TBXAS1: variants seen among roughly 807,000 people sequenced by gnomAD.
TBXAS1 encodes the protein thromboxane A synthase 1.
A neutral mutation model predicts 60.7 loss-of-function variants in TBXAS1; 48 were observed. The observed-to-expected ratio is 0.79, with a 90% confidence interval of 0.63 to 1.01. The LOEUF (loss-of-function observed/expected upper bound fraction) is 1.01, where lower values mean the gene tolerates loss of function less well. TBXAS1 is among the 50% of genes least tolerant of loss of function. TBXAS1 has a pLI of 0.00. For missense variants in TBXAS1, 685 were observed against 686.3 expected (o/e 1.00, Z 0.02); for synonymous variants, 287 against 269.7 (o/e 1.06, Z -0.63).
intron 4 of TBXAS1, among the ~76,000 whole-genome samples, chr7:139,800,522 T>C (rs1382354546): frequency 6.6e-6 from 1 of 152,180 alleles, no homozygotes; most frequent in African/African-American, 2.4e-5. Context: ...ACTATTCTTA[T>C]TACCTGTTTA....
intron 1 of TBXAS1, among the ~76,000 whole-genome samples, chr7:139,857,061 G>C (rs867936274): frequency 6.6e-6 from 1 of 152,112 alleles, no homozygotes; most frequent in South Asian, 2.1e-4. Context: ...TTTACTCTGG[G>C]GACCCCTTGG....
intron 9 of TBXAS1, among the ~76,000 whole-genome samples, chr7:139,991,297 A>C (rs1812880389): frequency 1.3e-5 from 2 of 151,464 alleles, no homozygotes. Context: ...TCCCTACCCC[A>C]TGCAGGTCCG....
intron 10 of TBXAS1, among the ~76,000 whole-genome samples, chr7:140,008,685 G>A (rs1383826310): frequency 2.0e-5 from 3 of 152,118 alleles, no homozygotes; most frequent in Non-Finnish European, 4.4e-5. Flanking sequence ...CTGACCTCAG[G>A]TGATCTGCCT....
intron 4 of TBXAS1, among the ~76,000 whole-genome samples, chr7:139,796,464 G>A (rs1797574751): frequency 6.6e-6 from 1 of 152,218 alleles, no homozygotes; most frequent in Non-Finnish European, 1.5e-5. Context: ...GAAGACAGTG[G>A]TTTCCCAGGA....
At chr7:139,875,394 T>A (rs1802151006) in intron 2 of TBXAS1, among the ~76,000 whole-genome samples, 191 bp from the exon 3 acceptor site, 1 of 152,260 alleles carries the variant, frequency 6.6e-6, no homozygotes, top group Admixed American at 6.5e-5. Context: ...CCAAGACTTT[T>A]ACATGGCAAT....
At chr7:139,928,672 C>G (rs192074434) in intron 4 of TBXAS1, among the ~76,000 whole-genome samples, 11 of 152,294 alleles carry the variant, frequency 7.2e-5, no homozygotes, top group Admixed American at 3.9e-4. Context: ...GGTGTTCTGA[C>G]AGCCATGAAA....
chr7:139,802,790 AAAGAAG>A (rs746632263), intron 4 of TBXAS1, among the ~76,000 whole-genome samples: 135 of 152,130 alleles, frequency 8.9e-4, no homozygotes, highest in African/African-American at 2.7e-3. Flanking sequence ...TCTCAAAAGA[AAAGAAG>A]AAGAAGAAGA....
At chr7:139,984,626 GAGAGAGAGAGAGAGAGAA>G (rs903399561) in intron 9 of TBXAS1, among the ~76,000 whole-genome samples, 15 of 89,338 alleles carry the variant, frequency 1.7e-4, no homozygotes, top group East Asian at 8.0e-4. Context: ...GAGAGAGAGA[GAGAGAGAGAGAGAGAGAA>G]AGAAAGAAAG....
chr7:139,900,829 C>T (rs565811125), intron 3 of TBXAS1, among the ~76,000 whole-genome samples: 1 of 152,292 alleles, frequency 6.6e-6, no homozygotes, highest in South Asian at 2.1e-4. Context: ...AAAGTCAGAG[C>T]TTTTCACCCC....
chr7:139,844,206 A>G (rs1799654302), intron 1 of TBXAS1, among the ~76,000 whole-genome samples: 2 of 152,188 alleles, frequency 1.3e-5, no homozygotes, highest in Non-Finnish European at 2.9e-5. Flanking sequence ...TCCTGACACC[A>G]GACTAGGGGA....
At chr7:139,806,388 G>A (rs1325421085) in intron 4 of TBXAS1, among the ~76,000 whole-genome samples, 2 of 151,498 alleles carry the variant, frequency 1.3e-5, no homozygotes, top group Non-Finnish European at 2.9e-5. Flanking sequence ...TCAGCCTCTC[G>A]AGTAACTGGG....
intron 5 of TBXAS1, among the ~76,000 whole-genome samples, chr7:139,951,772 A>G: frequency 1.1e-5 from 1 of 89,828 alleles, no homozygotes; most frequent in East Asian, 2.9e-4. Context: ...GACTCTGTCT[A>G]AAAAAAAAAA....
Position 140,017,836 on chromosome 7 carries a change from G to A in TBXAS1, c.1527+3G>A, listed in dbSNP as rs1324495618. 1.9e-6 allele frequency: 3 copies of A among 1,613,918 alleles called. No individual in the cohort carries two copies. The African/African-American group carries it at 4.0e-5, about 22-fold the overall frequency. ...TCCAAGCCTGCCCTGAGACCCAGGTGAGGCCCCCCTGCTCAGAGGCAGGGG... is the reference window on the plus strand; with the variant it reads ...TCCAAGCCTGCCCTGAGACCCAGGTAAGGCCCCCCTGCTCAGAGGCAGGGG... On this transcript the variant is annotated splice_donor_region_variant and intron_variant, in intron 12 of 12. Coordinates refer to ENST00000448866, the MANE Select transcript of TBXAS1 (RefSeq NM_001061.7).
chr7:139,898,179 G>A (rs1249439378), intron 3 of TBXAS1, among the ~76,000 whole-genome samples: 9 of 152,190 alleles, frequency 5.9e-5, no homozygotes, highest in Non-Finnish European at 2.9e-5. Context: ...ATCTGCAGTA[G>A]CGTCTACCCC....
intron 9 of TBXAS1, among the ~76,000 whole-genome samples, chr7:139,983,366 T>C (rs1336554001): frequency 6.6e-6 from 1 of 152,218 alleles, no homozygotes; most frequent in Admixed American, 6.5e-5. Flanking sequence ...TTGTGATTTG[T>C]TCTCCCTAAT....
chr7:139,889,721 C>G (rs1034509873), intron 3 of TBXAS1, among the ~76,000 whole-genome samples: 1 of 152,194 alleles, frequency 6.6e-6, no homozygotes, highest in African/African-American at 2.4e-5. Flanking sequence ...GGTGAAAGAG[C>G]TCCCTAGGGC....
At chr7:139,906,729 T>C (rs572365340) in intron 3 of TBXAS1, among the ~76,000 whole-genome samples, 1 of 151,150 alleles carries the variant, frequency 6.6e-6, no homozygotes, top group South Asian at 2.2e-4. Flanking sequence ...TATTTTTACA[T>C]TGTGGAGTCT....
chr7:140,008,144 A>G (rs1277527595), intron 10 of TBXAS1, among the ~76,000 whole-genome samples: 1 of 152,228 alleles, frequency 6.6e-6, no homozygotes. Context: ...TTTAAAGACA[A>G]TATGTGGATG....
intron 4 of TBXAS1, among the ~76,000 whole-genome samples, chr7:139,932,461 G>A (rs1365924331): frequency 1.3e-5 from 2 of 151,860 alleles, no homozygotes; most frequent in Admixed American, 1.3e-4. Flanking sequence ...TTGACTATTG[G>A]GATAGTTCTC....
Sources: gnomAD v4.1 joint callset for allele counts (sites outside exome capture counted in the v4.1 genomes callset) on GRCh38, gnomAD v4.1.1 for gene constraint, MANE v1.5 for transcripts, NCBI Gene and HGNC (gene_info 2026-07-23, HGNC 2026-07-21) for gene names.